The following PCDHA3 variants were observed in gnomAD, a reference collection of about 807,000 sequenced individuals.
The protein encoded by PCDHA3 is protocadherin alpha 3.
A neutral mutation model predicts 62.2 loss-of-function variants in PCDHA3; 41 were observed. The observed-to-expected ratio is 0.66, with a 90% confidence interval of 0.51 to 0.86. PCDHA3 has a LOEUF of 0.86. Ranked by LOEUF, PCDHA3 falls within the 40% of genes least tolerant of loss-of-function variation. PCDHA3 has a pLI of 0.00. For missense variants in PCDHA3, 1,304 were observed against 1,241.2 expected, an observed-to-expected ratio of 1.05 and a Z score of -0.76; for synonymous variants, 640 against 555.4, an observed-to-expected ratio of 1.15 and a Z score of -2.14.
chr5:140,939,607 A>G (rs1396731179), intron 1 of PCDHA3, among the ~76,000 whole-genome samples: 2 of 152,244 alleles, frequency 1.3e-5, no homozygotes, highest in Non-Finnish European at 2.9e-5. Flanking sequence ...CAAAAACAGA[A>G]CAAGGAGACA....
At chr5:140,851,191 T>A in intron 1 of PCDHA3, 1 of 1,215,936 alleles carries the variant, frequency 8.2e-7, no homozygotes, top group Non-Finnish European at 1.1e-6. Flanking sequence ...ACCAATTTAG[T>A]TGTTAGTCAT....
chr5:140,870,955 C>T, intron 1 of PCDHA3: 1 of 1,613,632 alleles, frequency 6.2e-7, no homozygotes, highest in Non-Finnish European at 8.5e-7. Context: ...GGGCGGCTCG[C>T]GCATCCCGTT....
rs538677309 is a variant in PCDHA3, at chr5:140,927,177, G to T, written c.2395-51772G>T. ...GCAGGGCCAAAGCTGCCTGCGTCTT[G>T]ACCTACGACCTGGTGCTCGAGGACC... On this transcript the variant is annotated intron_variant, in intron 1 of 3. Coordinates refer to ENST00000522353, the MANE Select transcript of PCDHA3 (RefSeq NM_018906.3). 78 of 1,614,148 alleles carry T rather than the reference G, an allele frequency of 4.8e-5. 3 individuals carry two copies. In the East Asian group the frequency reaches 6.7e-4, roughly 14 times the overall value.
At chr5:140,862,775 A>C (rs1480702653) in intron 1 of PCDHA3, 4 of 576,960 alleles carry the variant, frequency 6.9e-6, no homozygotes, top group Non-Finnish European at 1.3e-5. Flanking sequence ...TACGCGTTGC[A>C]GCCACTGGAC....
Position 140,802,773 on chromosome 5 carries a change from G to A in PCDHA3, c.1576G>A (p.Glu526Lys). Residue 526 changes from glutamate to lysine, a missense_variant, in exon 1 of 4, where the codon GAG becomes AAG. Coordinates refer to ENST00000522353, the MANE Select transcript of PCDHA3 (RefSeq NM_018906.3). ...KVYALQPLDHEELELLQFQVS... is the reference protein window; with the variant it reads ...KVYALQPLDHKELELLQFQVS... ...GTACGCGCTGCAGCCGCTGGACCACGAGGAGCTAGAGCTGCTGCAGTTCCA... is the reference window on the plus strand; with the variant it reads ...GTACGCGCTGCAGCCGCTGGACCACAAGGAGCTAGAGCTGCTGCAGTTCCA... 1 of 1,613,086 alleles carries A rather than the reference G, an allele frequency of 6.2e-7. No homozygotes were observed. The highest frequency in any genetic ancestry group is 8.5e-7 in the Non-Finnish European group (1 of 1,179,890).
At chr5:140,869,617 C>T (rs782525218) in intron 1 of PCDHA3, 3 of 1,613,828 alleles carry the variant, frequency 1.9e-6, no homozygotes, top group Non-Finnish European at 2.5e-6. Context: ...GACCTACAGG[C>T]TAAGTAAAAA....
intron 1 of PCDHA3, chr5:140,967,164 C>G (rs762120187): frequency 8.7e-6 from 14 of 1,611,226 alleles, no homozygotes; most frequent in Non-Finnish European, 1.2e-5. Flanking sequence ...GCGGTGAGCG[C>G]CGTTGAGGTG....
At chr5:140,807,683 G>A (rs1364213662) in intron 1 of PCDHA3, 1 of 1,614,210 alleles carries the variant, frequency 6.2e-7, no homozygotes. Flanking sequence ...CGGGGAGAAC[G>A]CCCTGCTCAC....
At chr5:140,805,445 G>T (rs1183156035) in intron 1 of PCDHA3, 1 of 1,036,070 alleles carries the variant, frequency 9.7e-7, no homozygotes, top group African/African-American at 1.7e-5. Context: ...TTTTGTGTGT[G>T]TGTGTTTGTG....
Position 141,010,647 on chromosome 5 carries a change from GT to G in PCDHA3, c.*714del, listed in dbSNP as rs782752760. ...CATACCTGCAAGCCAACAGTTCAGT[GT>G]TTTAACAGAGAACCACCCTGGGAAA... On this transcript the variant is annotated 3_prime_UTR_variant, in exon 4 of 4. Coordinates refer to ENST00000522353, the MANE Select transcript of PCDHA3 (RefSeq NM_018906.3). 4.6e-5 allele frequency: 8 copies of G among 173,154 alleles called. No homozygotes were observed. Among genetic ancestry groups the G allele is most frequent in the Admixed American group, 1.2e-4 (2 of 16,978 alleles). 10.7% of individuals were successfully genotyped at this position (173,154 alleles called of 1,614,324 possible).
intron 1 of PCDHA3, among the ~76,000 whole-genome samples, chr5:140,821,011 G>A (rs1766878568): frequency 6.6e-6 from 1 of 151,840 alleles, no homozygotes. Context: ...GGTTTTCATC[G>A]ATTTGAAAAT....
chr5:140,915,463 T>C (rs2077131577), intron 1 of PCDHA3, among the ~76,000 whole-genome samples: 1 of 152,184 alleles, frequency 6.6e-6, no homozygotes, highest in East Asian at 1.9e-4. Flanking sequence ...AGAAGGTTTT[T>C]ATTTGAAGGA....
intron 1 of PCDHA3, among the ~76,000 whole-genome samples, chr5:140,844,649 T>G (rs1416986157): frequency 6.7e-6 from 1 of 149,658 alleles, no homozygotes; most frequent in Non-Finnish European, 1.5e-5. Flanking sequence ...AATTTCATTC[T>G]TGCAAACCAA....
intron 3 of PCDHA3, among the ~76,000 whole-genome samples, chr5:140,995,791 T>C (rs547359105): frequency 1.3e-5 from 2 of 152,266 alleles, no homozygotes; most frequent in South Asian, 4.1e-4. Context: ...TTAAAATTTG[T>C]CTCATGTTAG....
intron 1 of PCDHA3, chr5:140,869,094 T>C (rs2050847018): frequency 6.3e-7 from 1 of 1,592,284 alleles, no homozygotes; most frequent in Non-Finnish European, 8.6e-7. Context: ...GGAAGCCAAT[T>C]TCGTATGCGA....
chr5:140,807,451 T>G (rs1554124021), intron 1 of PCDHA3: 3 of 1,606,822 alleles, frequency 1.9e-6, no homozygotes, highest in Middle Eastern at 1.8e-4. Context: ...TTGTGAATTC[T>G]CGGATCGACC....
chr5:140,927,098 A>G (rs1554204018), intron 1 of PCDHA3: 4 of 1,613,286 alleles, frequency 2.5e-6, no homozygotes, highest in Non-Finnish European at 3.4e-6. Flanking sequence ...TTCGGGGTGG[A>G]TCTACCCAGC....
intron 1 of PCDHA3, chr5:140,836,076 C>A (rs1387042597): frequency 5.6e-6 from 9 of 1,613,592 alleles, no homozygotes; most frequent in Non-Finnish European, 7.6e-6. Flanking sequence ...CGCGCCGGCA[C>A]TGCTGGCGCC....
intron 1 of PCDHA3, among the ~76,000 whole-genome samples, chr5:140,922,731 T>A (rs59295733): frequency 0.057 from 8,631 of 152,032 alleles, 722 homozygotes; most frequent in African/African-American, 0.19. Flanking sequence ...CTTGACAAGG[T>A]TGAGAAAAAT....
Sources: gnomAD v4.1 joint callset for allele counts (sites outside exome capture counted in the v4.1 genomes callset) on GRCh38, gnomAD v4.1.1 for gene constraint, MANE v1.5 for transcripts, NCBI Gene and HGNC (gene_info 2026-07-23, HGNC 2026-07-21) for gene names.